The following MYO1F variants were observed in gnomAD, a reference collection of about 807,000 sequenced individuals.
MYO1F encodes unconventional myosin-If.
Under a neutral mutation model 146.6 loss-of-function variants are expected in MYO1F, and 60 were observed. The observed-to-expected ratio is 0.41, with a 90% CI of 0.33 to 0.51. MYO1F has a LOEUF of 0.51. Ranked by LOEUF, MYO1F falls within the 20% of genes least tolerant of loss-of-function variation. MYO1F has a pLI of 0.25. For missense variants in MYO1F, 1,274 were observed against 1,534.3 expected (o/e 0.83, Z 2.83); for synonymous variants, 602 against 602.1 (o/e 1.00, Z 0.00).
At chr19:8,555,861 G>T (rs1292400026) in intron 1 of MYO1F, 65 bp from the exon 2 acceptor site, 5 of 1,503,020 alleles carry the variant, frequency 3.3e-6, no homozygotes, top group Non-Finnish European at 2.7e-6. Context: ...GCTCACCGAC[G>T]CTATCAGCTT....
In MYO1F at chr19:8,553,311, A is replaced by G. The variant is rs757458802; in HGVS notation, c.414+39T>C. 84 of 1,612,206 alleles carry G rather than the reference A, an allele frequency of 5.2e-5. 2 individuals are homozygous for G. The South Asian group carries it at 9.1e-4, about 17-fold the overall frequency. On this transcript the variant is annotated intron_variant, in intron 5 of 27. Transcript: ENST00000644032. ...GTGGGGCTGCACTACCATGCAGGTG[A>G]GGGCGACCCAGCTTATCCTTCTGTT...
At position 8,554,533 on chromosome 19, in the gene MYO1F, C is replaced by T. The variant is rs200635354; in HGVS notation, c.270G>A (p.Thr90=). 5.6e-5 allele frequency: 91 copies of T among 1,613,622 alleles called. 1 individual carries two copies. The Middle Eastern group carries it at 1.0e-3, about 18-fold the overall frequency. The change falls in exon 4 of 28, where the codon ACG becomes ACA. Residue 90 remains threonine (T), a synonymous_variant. Coordinates refer to ENST00000644032, the MANE Select transcript of MYO1F (RefSeq NM_012335.4). ...TAAGCATGTTCCGGTACATGTTGTC[C>T]GTGAGGGCGTAGATGTGCGGGGGAT... is the stretch of plus-strand genomic sequence containing the variant. ...YENPPHIYAL[T]DNMYRNMLID...
intron 22 of MYO1F, 134 bp from the exon 23 acceptor site, chr19:8,527,069 GA>G: frequency 4.1e-6 from 5 of 1,222,178 alleles, no homozygotes; most frequent in Non-Finnish European, 5.8e-6. Context: ...CCAGGTAGGA[GA>G]AAAAGGGGGA....
intron 1 of MYO1F, among the ~76,000 whole-genome samples, chr19:8,575,372 G>T (rs782029208): frequency 3.3e-5 from 5 of 152,008 alleles, no homozygotes; most frequent in Non-Finnish European, 5.9e-5. Context: ...ACCGCACCCG[G>T]CCGGGCATTA....
intron 1 of MYO1F, among the ~76,000 whole-genome samples, chr19:8,571,407 T>TTC (rs201699006): frequency 1.9e-4 from 28 of 150,928 alleles, no homozygotes; most frequent in African/African-American, 6.4e-4. Context: ...TTCTTTTCTT[T>TTC]TCTCTCTCTC....
rs746792025 is a variant in MYO1F, at chr19:8,536,514, G to T, written c.1883C>A (p.Ala628Asp). 4 of 1,613,166 alleles carry T rather than the reference G, an allele frequency of 2.5e-6. No individual in the cohort carries two copies. The highest frequency in any genetic ancestry group is 3.4e-6 in the Non-Finnish European group (4 of 1,179,828). The change falls in exon 18 of 28, where the codon GCC becomes GAC. Residue 628 changes from alanine to aspartate, a missense_variant. Ala to Asp is a moderately radical substitution (Grantham distance 126, BLOSUM62 -2). Transcript: ENST00000644032. The part of the protein sequence containing the change: ...RAGFAYRRQF[A>D]KFLQRYAILT... Reference sequence around the variant, plus strand: ...GGCTCCTCACCTCTGCAGGAATTTGGCGAACTGGCGGCGGTAGGCGAAGCC... The same window carrying T: ...GGCTCCTCACCTCTGCAGGAATTTGTCGAACTGGCGGCGGTAGGCGAAGCC...
At chr19:8,525,223 G>GT in intron 25 of MYO1F, 1 of 191,820 alleles carries the variant, frequency 5.2e-6, no homozygotes, top group Non-Finnish European at 9.7e-6. Context: ...AAAAAAAAAA[G>GT]ATGTAGTTTA....
intron 15 of MYO1F, 47 bp from the exon 16 acceptor site, chr19:8,540,075 T>C (rs1209443022): frequency 2.0e-6 from 3 of 1,504,804 alleles, no homozygotes; most frequent in Non-Finnish European, 2.7e-6. Context: ...GGCTAGACTT[T>C]CGGGTACTCT....
At chr19:8,559,301 G>A (rs2145941065) in intron 1 of MYO1F, among the ~76,000 whole-genome samples, 1 of 131,992 alleles carries the variant, frequency 7.6e-6, no homozygotes, top group South Asian at 2.8e-4. Context: ...TCTCTCCTGG[G>A]GGTACTGGGG....
chr19:8,548,162 G>T, intron 11 of MYO1F, 40 bp from the exon 12 acceptor site: 1 of 1,613,320 alleles, frequency 6.2e-7, no homozygotes, highest in Non-Finnish European at 8.5e-7. Context: ...CAATGTCCTG[G>T]TGCTGGAAGT....
At chr19:8,569,933 CAG>C (rs1203867772) in intron 1 of MYO1F, among the ~76,000 whole-genome samples, 3 of 152,084 alleles carry the variant, frequency 2.0e-5, no homozygotes, top group Non-Finnish European at 2.9e-5. Context: ...TTTTTTTGGA[CAG>C]AGTCTTGTTC....
chr19:8,537,719 C>T (rs929814365), intron 16 of MYO1F, among the ~76,000 whole-genome samples: 1 of 152,074 alleles, frequency 6.6e-6, no homozygotes, highest in Non-Finnish European at 1.5e-5. Context: ...CAGGCATGAG[C>T]CACTATACCT....
intron 12 of MYO1F, among the ~76,000 whole-genome samples, chr19:8,546,459 A>G (rs1320012423): frequency 2.6e-5 from 4 of 151,706 alleles, no homozygotes; most frequent in African/African-American, 9.7e-5. Context: ...TCCAGGGTTC[A>G]AGTGATCCTC....
chr19:8,561,585 C>T (rs1429532953), intron 1 of MYO1F, among the ~76,000 whole-genome samples: 2 of 130,498 alleles, frequency 1.5e-5, no homozygotes, highest in South Asian at 3.0e-4. Context: ...CCTTCCTTCC[C>T]TCCCTCCCTC....
intron 1 of MYO1F, among the ~76,000 whole-genome samples, chr19:8,566,879 T>G (rs953435906): frequency 1.3e-5 from 2 of 151,934 alleles, no homozygotes; most frequent in African/African-American, 4.8e-5. Context: ...TCTCGCTATG[T>G]TGCCTAGGCT....
At chr19:8,546,157 C>T (rs142396793) in intron 12 of MYO1F, among the ~76,000 whole-genome samples, 3,022 of 150,596 alleles carry the variant, frequency 0.02, 120 homozygotes, top group African/African-American at 0.07. Context: ...CTCCGCCTCC[C>T]GAGTTCAAGC....
intron 1 of MYO1F, among the ~76,000 whole-genome samples, chr19:8,570,439 T>C (rs2042087550): frequency 2.0e-5 from 3 of 151,542 alleles, no homozygotes; most frequent in Admixed American, 1.3e-4. Flanking sequence ...TGGCATGACC[T>C]TGGCTCAACC....
At chr19:8,525,203 A>C in intron 25 of MYO1F, 1 of 233,600 alleles carries the variant, frequency 4.3e-6, no homozygotes, top group East Asian at 8.7e-5. Flanking sequence ...CCATCTCAAA[A>C]AAAAAAAAAA....
intron 16 of MYO1F, among the ~76,000 whole-genome samples, chr19:8,537,904 C>A (rs1417773829): frequency 1.3e-5 from 2 of 148,718 alleles, no homozygotes; most frequent in African/African-American, 5.0e-5. Context: ...AAGACATGTA[C>A]TTTGGAGGTA....
Sources: gnomAD v4.1 joint callset for allele counts (sites outside exome capture counted in the v4.1 genomes callset) on GRCh38, gnomAD v4.1.1 for gene constraint, MANE v1.5 for transcripts, NCBI Gene and HGNC (gene_info 2026-07-23, HGNC 2026-07-21) for gene names.